GPHN: variants seen among roughly 807,000 people sequenced by gnomAD.
The protein encoded by GPHN is gephyrin.
A neutral mutation model predicts 95.5 loss-of-function variants in GPHN; 17 were observed. The observed-to-expected ratio is 0.18, with a 90% CI of 0.12 to 0.27. The LOEUF is 0.27. Ranked by LOEUF, GPHN falls within the 10% of genes least tolerant of loss-of-function variation. GPHN has a pLI of 1.00. For missense variants in GPHN, 660 were observed against 978.1 expected, an observed-to-expected ratio of 0.67 and a Z score of 4.34; for synonymous variants, 320 against 322.5, an observed-to-expected ratio of 0.99 and a Z score of 0.08.
the GPHN span, among the ~76,000 whole-genome samples, chr14:67,555,414 G>C: frequency 3.9e-5 from 6 of 152,192 alleles, no homozygotes; most frequent in Non-Finnish European, 8.8e-5. Context: ...CGATGACACA[G>C]GGTGGGCCCT....
the GPHN span, among the ~76,000 whole-genome samples, chr14:67,657,597 T>G: frequency 8.4e-6 from 1 of 119,358 alleles, no homozygotes; most frequent in Admixed American, 8.8e-5. Context: ...CGCGCGCGCG[T>G]GCACACACAC....
At chr14:67,057,719 T>C (rs1336453271) in intron 10 of GPHN, among the ~76,000 whole-genome samples, 1 of 152,206 alleles carries the variant, frequency 6.6e-6, no homozygotes, top group Non-Finnish European at 1.5e-5. Flanking sequence ...CTCTTTCTCT[T>C]TCTTTCATTT....
the GPHN span, chr14:67,228,530 A>G: frequency 6.6e-6 from 1 of 152,592 alleles, no homozygotes. Flanking sequence ...GCAGAAATAA[A>G]GCCTATGACT....
intron 11 of GPHN, among the ~76,000 whole-genome samples, chr14:67,081,797 G>T (rs564568975): frequency 3.3e-5 from 5 of 152,278 alleles, no homozygotes; most frequent in African/African-American, 1.2e-4. Flanking sequence ...GGAGGATCCA[G>T]TTTCATTCTT....
At chr14:66,796,228 T>C (rs1438143794) in intron 3 of GPHN, among the ~76,000 whole-genome samples, 1 of 152,120 alleles carries the variant, frequency 6.6e-6, no homozygotes, top group East Asian at 1.9e-4. Context: ...TATTAATCTA[T>C]TGATGGACAC....
chr14:67,546,193 G>A, the GPHN span, among the ~76,000 whole-genome samples: 2 of 152,204 alleles, frequency 1.3e-5, no homozygotes, highest in Admixed American at 6.5e-5. Context: ...TAGGGTCAAC[G>A]CCGGGGGAAG....
At chr14:67,037,377 A>T (rs1197038328) in intron 10 of GPHN, among the ~76,000 whole-genome samples, 1 of 152,030 alleles carries the variant, frequency 6.6e-6, no homozygotes. Flanking sequence ...ACTTTATGAC[A>T]TTGAAATGGG....
the GPHN span, chr14:67,196,931 CT>C: frequency 6.6e-6 from 1 of 151,558 alleles, no homozygotes; most frequent in Non-Finnish European, 1.5e-5. Flanking sequence ...CAAATTAGTG[CT>C]TTTTTTTTCT....
the GPHN span, chr14:67,587,562 G>A: frequency 3.0e-6 from 1 of 338,090 alleles, no homozygotes; most frequent in Non-Finnish European, 5.6e-6. Context: ...AAGGCTTTCT[G>A]CACTGGTACT....
chr14:67,229,443 A>G, the GPHN span, among the ~76,000 whole-genome samples: 1 of 152,218 alleles, frequency 6.6e-6, no homozygotes, highest in South Asian at 2.1e-4. Context: ...CCTGCAATGT[A>G]GCTAGTGTGA....
At chr14:67,578,237 T>C in the GPHN span, 11 of 1,584,944 alleles carry the variant, frequency 6.9e-6, no homozygotes, top group Non-Finnish European at 9.5e-6. This position sits in a 1 kb window ranked among gnomAD's most constrained non-coding sequence, Gnocchi z 5.0. Context: ...ACAGAAGCCA[T>C]TGGCAAGGGC....
At chr14:67,068,922 T>C (rs964210321) in intron 11 of GPHN, among the ~76,000 whole-genome samples, 1 of 152,110 alleles carries the variant, frequency 6.6e-6, no homozygotes, top group Admixed American at 6.5e-5. Flanking sequence ...TCTGAAGCTC[T>C]TGATTCCAAG....
intron 18 of GPHN, among the ~76,000 whole-genome samples, chr14:67,158,332 T>G (rs964275045): frequency 6.6e-6 from 1 of 151,104 alleles, no homozygotes; most frequent in African/African-American, 2.4e-5. Context: ...AAAAAGATAC[T>G]TTTTCCTAAA....
At chr14:67,291,455 T>G in the GPHN span, among the ~76,000 whole-genome samples, 1 of 152,056 alleles carries the variant, frequency 6.6e-6, no homozygotes, top group Non-Finnish European at 1.5e-5. Flanking sequence ...CGGCTAATTT[T>G]TGTATTTTTA....
At chr14:67,646,685 C>T in the GPHN span, 1 of 1,613,822 alleles carries the variant, frequency 6.2e-7, no homozygotes, top group Non-Finnish European at 8.5e-7. Flanking sequence ...AACCTTGTAT[C>T]TCTTCTGCAA....
At chr14:67,222,747 C>T in the GPHN span, among the ~76,000 whole-genome samples, 12 of 152,008 alleles carry the variant, frequency 7.9e-5, no homozygotes, top group African/African-American at 2.7e-4. Flanking sequence ...AGTGCTGAAC[C>T]AGCTCTAAGT....
the GPHN span, among the ~76,000 whole-genome samples, chr14:67,209,767 G>A: frequency 0.16 from 22,997 of 147,200 alleles, 3,365 homozygotes; most frequent in East Asian, 0.42. Context: ...GCAGTGAGCC[G>A]AGATCGTGCC....
chr14:66,916,872 G>A (rs578136008), intron 6 of GPHN, among the ~76,000 whole-genome samples: 2 of 152,278 alleles, frequency 1.3e-5, no homozygotes, highest in South Asian at 4.1e-4. Flanking sequence ...TAGCAACACA[G>A]TCATGTTTGT....
In GPHN at chr14:66,967,850, A is replaced by G. The variant is rs554098254; in HGVS notation, c.963+2525A>G. Among the ~76,000 whole-genome samples the G allele has an allele frequency of 8.6e-5, 13 of 151,980 alleles. 2 individuals are homozygous for G. Among genetic ancestry groups the G allele is most frequent in the African/African-American group, 3.1e-4 (13 of 41,532 alleles). On this transcript the variant is annotated intron_variant, in intron 9 of 22. Coordinates refer to ENST00000478722, the MANE Select transcript of GPHN (RefSeq NM_020806.5). ...AGTAGAGAAGACCTAACATTTCACC[A>G]GGGGCGTGAAGAATGAATGAAAACC...
Sources: gnomAD v4.1 joint callset for allele counts (sites outside exome capture counted in the v4.1 genomes callset) on GRCh38, gnomAD v4.1.1 for gene constraint, Gnocchi (gnomAD v3.1) non-coding constraint, MANE v1.5 for transcripts, NCBI Gene and HGNC (gene_info 2026-07-23, HGNC 2026-07-21) for gene names.